The following PHF8 variants were observed in gnomAD, a reference collection of about 807,000 sequenced individuals.
PHF8 encodes PHD finger protein 8.
Under a neutral mutation model 74.4 loss-of-function variants are expected in PHF8, and 9 were observed. That is an observed-to-expected ratio of 0.12 (90% CI 0.07 to 0.21). PHF8 has a LOEUF of 0.21. PHF8 is among the 10% of genes least tolerant of loss of function. PHF8 has a pLI of 1.00. For synonymous variants in PHF8, 311 were observed against 316.6 expected, an observed-to-expected ratio of 0.98 and a Z score of 0.19; for missense variants, 478 against 816.6, an observed-to-expected ratio of 0.59 and a Z score of 5.05.
intron 4 of PHF8, among the ~76,000 whole-genome samples, chrX:54,018,199 TACA>T (rs782474398): frequency 8.9e-6 from 1 of 112,481 alleles, no homozygotes; most frequent in Non-Finnish European, 1.9e-5. Context: ...ACAACATTTT[TACA>T]ACAACTTTCT....
chrX:53,956,367 T>C (rs1557088680), intron 19 of PHF8, among the ~76,000 whole-genome samples: 1 of 111,694 alleles, frequency 9.0e-6, no homozygotes, highest in African/African-American at 3.3e-5. Flanking sequence ...AAACAACCCA[T>C]GATACGTATG....
chrX:53,998,937 T>C (rs2065788793), intron 11 of PHF8, among the ~76,000 whole-genome samples: 1 of 112,086 alleles, frequency 8.9e-6, no homozygotes, highest in Non-Finnish European at 1.9e-5. Context: ...ATATTTACTG[T>C]CTGATTCTTT....
Position 53,937,181 on chromosome X carries a change from CAG to C in PHF8, c.*1975_*1976del, listed in dbSNP as rs1212097252. On this transcript the variant is annotated 3_prime_UTR_variant, in exon 22 of 22. Transcript: ENST00000338154. ...ATTGGAAACAACACAAAACAACAAA[CAG>C]GGGGCTCTAAGAACCCAACTAAGCT... 3 of 111,289 alleles carry C rather than the reference CAG, an allele frequency of 2.7e-5. No individual in the cohort carries two copies. Among genetic ancestry groups the C allele is most frequent in the Admixed American group, 9.6e-5 (1 of 10,427 alleles). The allele number at this position is 111,289 out of a possible 1,213,427, so 9.2% of individuals were successfully genotyped here.
chrX:53,967,026 C>A (rs782036904), intron 18 of PHF8, among the ~76,000 whole-genome samples: 97 of 108,453 alleles, frequency 8.9e-4, no homozygotes, highest in African/African-American at 2.9e-3. Context: ...TGAGGAGACC[C>A]TCCGCCCGGC....
At position 53,938,937 on chromosome X, in the gene PHF8, C is replaced by A; in HGVS notation, c.*221G>T. On this transcript the variant is annotated 3_prime_UTR_variant, in exon 22 of 22. Transcript: ENST00000338154. ...TCAGCTGGAAACCTCTCCCATTTAC[C>A]TGCTCCTCAGTGGAGAAGGCAGGCA... The A allele has an allele frequency of 2.0e-6, 2 of 982,315 alleles. No homozygotes were observed. Among genetic ancestry groups the A allele is most frequent in the Non-Finnish European group, 2.6e-6 (2 of 781,507 alleles). The allele number at this position is 982,315 out of a possible 1,213,427, so 81.0% of individuals were successfully genotyped here.
intron 18 of PHF8, among the ~76,000 whole-genome samples, chrX:53,979,781 TA>T (rs1429553938): frequency 8.9e-6 from 1 of 111,957 alleles, no homozygotes; most frequent in African/African-American, 3.2e-5. Context: ...AAAAATCTTT[TA>T]AAGTAAAGCT....
chrX:54,024,164 T>C (rs782157832), intron 2 of PHF8, among the ~76,000 whole-genome samples: 1 of 111,900 alleles, frequency 8.9e-6, no homozygotes, highest in African/African-American at 3.2e-5. Context: ...AGCTCACACC[T>C]GTAATCCCAG....
rs1183592134 is a variant in PHF8, at chrX:54,035,370, AAAAAG to A, written c.98+7256_98+7260del. Among the ~76,000 whole-genome samples the A allele has an allele frequency of 6.4e-5, 7 of 109,581 alleles. No homozygotes were observed. In the East Asian group the frequency reaches 2.0e-3, roughly 31 times the overall value. On this transcript the variant is annotated intron_variant, in intron 2 of 21. Transcript: ENST00000338154. ...AGACTCTGTCTCAAAAAAAAAAAGG[AAAAAG>A]AAAAGTAAAGTTTCTACTCTTCAAT...
chrX:54,017,548 T>G, intron 5 of PHF8, 113 bp downstream of exon 5: 25 of 638,710 alleles, frequency 3.9e-5, no homozygotes, highest in Admixed American at 5.3e-5. Context: ...GCATTTCACC[T>G]GAGATTCCCA....
chrX:54,046,262 G>A (rs1240197897), upstream of PHF8, among the ~76,000 whole-genome samples: 1 of 110,941 alleles, frequency 9.0e-6, no homozygotes, highest in Non-Finnish European at 1.9e-5. Context: ...AAGCTTATAT[G>A]GTTTGGGGGA....
intron 2 of PHF8, among the ~76,000 whole-genome samples, chrX:54,029,419 C>T (rs781819082): frequency 1.8e-5 from 2 of 112,623 alleles, no homozygotes; most frequent in East Asian, 5.6e-4. Flanking sequence ...TCACACACAG[C>T]GTATGCTGGG....
chrX:53,943,923 G>A (rs2064791981), intron 20 of PHF8, among the ~76,000 whole-genome samples: 1 of 112,086 alleles, frequency 8.9e-6, no homozygotes, highest in African/African-American at 3.2e-5. Flanking sequence ...CCTGAATCAT[G>A]TCAACTGTGT....
intron 18 of PHF8, among the ~76,000 whole-genome samples, chrX:53,977,819 T>G (rs1271055960): frequency 1.8e-5 from 2 of 108,572 alleles, no homozygotes; most frequent in African/African-American, 6.7e-5. Flanking sequence ...GCTAATTTTT[T>G]GTATTTTTAG....
intron 8 of PHF8, among the ~76,000 whole-genome samples, chrX:54,008,459 T>G (rs1557105882): frequency 1.0e-5 from 1 of 98,592 alleles, no homozygotes. Flanking sequence ...GAGGCCTAGG[T>G]GGGTGGATCA....
chrX:53,951,046 T>C (rs1346249192), intron 19 of PHF8, among the ~76,000 whole-genome samples: 1 of 112,340 alleles, frequency 8.9e-6, no homozygotes, highest in African/African-American at 3.2e-5. Context: ...CAGGAAAGTA[T>C]GAGTATGATG....
At chrX:53,947,090 C>T (rs782027719) in intron 19 of PHF8, among the ~76,000 whole-genome samples, 1 of 111,659 alleles carries the variant, frequency 9.0e-6, no homozygotes, top group East Asian at 2.8e-4. Context: ...CGGCTCACTG[C>T]AACCTCCACC....
At chrX:53,959,154 G>C (rs782661053) in intron 19 of PHF8, among the ~76,000 whole-genome samples, 2 of 111,426 alleles carry the variant, frequency 1.8e-5, no homozygotes, top group Non-Finnish European at 3.8e-5. Flanking sequence ...ATTGGTTTTC[G>C]ATATTTACAG....
chrX:54,020,587 G>A (rs2066153844), intron 4 of PHF8, among the ~76,000 whole-genome samples: 1 of 111,959 alleles, frequency 8.9e-6, no homozygotes, highest in African/African-American at 3.2e-5. Flanking sequence ...AAAAATCTAT[G>A]TTTGTATATG....
chrX:54,005,435 C>G (rs868913959), intron 8 of PHF8, among the ~76,000 whole-genome samples: 2 of 63,618 alleles, frequency 3.1e-5, no homozygotes, highest in East Asian at 9.2e-4. Flanking sequence ...CACTCCCTCT[C>G]AAAAAAAAAA....
Sources: allele counts gnomAD v4.1 joint callset (sites outside exome capture counted in the v4.1 genomes callset), GRCh38; gene constraint gnomAD v4.1.1; transcripts MANE v1.5; gene names NCBI Gene and HGNC (gene_info 2026-07-23, HGNC 2026-07-21).